Variants in CREB5 observed in about 807,000 individuals in gnomAD.
CREB5 encodes cyclic AMP-responsive element-binding protein 5.
CREB5 carries 19 observed loss-of-function variants against 57.1 expected under a neutral mutation model. The ratio of observed to expected loss-of-function variants is 0.33; its 90% CI spans 0.23 to 0.49. The LOEUF (loss-of-function observed/expected upper bound fraction) is 0.49, where lower values mean the gene tolerates loss of function less well. Ranked by LOEUF, CREB5 falls within the 20% of genes least tolerant of loss-of-function variation. The pLI, the probability that CREB5 is intolerant of heterozygous loss-of-function variation, is 0.99. For missense variants in CREB5, 579 were observed against 671.6 expected (o/e 0.86, Z 1.52); for synonymous variants, 238 against 238.3 (o/e 1.00, Z 0.01).
Position 28,718,844 on chromosome 7 carries a change from C to T in CREB5, c.556C>T (p.Pro186Ser), listed in dbSNP as rs1200013563. 1.2e-6 allele frequency: 2 copies of T among 1,614,116 alleles called. No homozygotes were observed. The change falls in exon 6 of 11, where the codon CCT becomes TCT. Residue 186 changes from proline (P) to serine (S), a missense_variant. Pro to Ser is a moderately conservative substitution (Grantham distance 74). Around this residue, in one of 3 missense-constraint regions of CREB5, gnomAD observed 459 missense variants for 515.7 expected, o/e 0.89. Coordinates refer to ENST00000357727, the MANE Select transcript of CREB5 (RefSeq NM_182898.4). ...CTCCATGCCTGGGACCCTGCCCAAC[C>T]CTACAATGCCAGGATCTTCCGCCGT... ...PASMPGTLPN[P>S]TMPGSSAVLM...
At chr7:28,344,641 G>A (rs193050484) in intron 1 of CREB5, among the ~76,000 whole-genome samples, 199 of 152,140 alleles carry the variant, frequency 1.3e-3, no homozygotes, top group South Asian at 5.6e-3. Flanking sequence ...TAACAAAATG[G>A]CAGTAGTAAG....
At chr7:28,368,636 C>A (rs79481252) in intron 1 of CREB5, among the ~76,000 whole-genome samples, 2 of 152,170 alleles carry the variant, frequency 1.3e-5, no homozygotes. Flanking sequence ...GGTCCCATTG[C>A]TACCTCATTT....
intron 4 of CREB5, among the ~76,000 whole-genome samples, chr7:28,560,653 C>CA (rs1238537488): frequency 6.6e-6 from 1 of 151,932 alleles, no homozygotes; most frequent in Non-Finnish European, 1.5e-5. Context: ...ACCATGAAGA[C>CA]AAAATCGACA....
intron 5 of CREB5, among the ~76,000 whole-genome samples, chr7:28,675,293 C>T (rs1364655249): frequency 2.0e-5 from 3 of 152,174 alleles, no homozygotes; most frequent in East Asian, 3.9e-4. Flanking sequence ...TCTGGCATCT[C>T]GTTTGTTTTG....
intron 7 of CREB5, among the ~76,000 whole-genome samples, chr7:28,794,286 G>A (rs1045338632): frequency 1.3e-5 from 2 of 152,166 alleles, no homozygotes; most frequent in African/African-American, 4.8e-5. Context: ...GGTGAGTAGT[G>A]TTTGTTAGCA....
At chr7:28,790,428 AAGAGAGAGAGAGAG>A (rs370615013) in intron 7 of CREB5, among the ~76,000 whole-genome samples, 10 of 115,696 alleles carry the variant, frequency 8.6e-5, no homozygotes, top group South Asian at 5.7e-4. Context: ...GAAAGAAAGA[AAGAGAGAGAGAGAG>A]AGAGAGAGAG....
intron 5 of CREB5, among the ~76,000 whole-genome samples, chr7:28,678,785 G>C (rs1004967947): frequency 1.3e-5 from 2 of 152,122 alleles, no homozygotes; most frequent in Non-Finnish European, 1.5e-5. Context: ...CTTCATGTTT[G>C]GGGTTTAAAA....
chr7:28,560,937 C>CGTGCGT lies in CREB5; in HGVS notation c.292-9424_292-9419dup, dbSNP rs1562797981. On this transcript the variant is annotated intron_variant, in intron 4 of 10. Transcript: ENST00000357727. ...GTGCGTGTGTGCGCGTGCGTGTGTG[C>CGTGCGT]GTGCGTGTGTGTGCGTGTGTGTGCG... Among the ~76,000 whole-genome samples the CGTGCGT allele has an allele frequency of 1.4e-4, 5 of 35,550 alleles. 1 individual carries two copies. Among genetic ancestry groups the CGTGCGT allele is most frequent in the Non-Finnish European group, 2.2e-4 (4 of 18,264 alleles). The allele number at this position is 35,550 out of a possible 152,430, so 23.3% of individuals were successfully genotyped here.
chr7:28,666,528 T>C (rs1799830505), intron 5 of CREB5, among the ~76,000 whole-genome samples: 1 of 149,630 alleles, frequency 6.7e-6, no homozygotes, highest in African/African-American at 2.5e-5. Flanking sequence ...GTCCAAACCC[T>C]GTTTACTTTT....
chr7:28,395,021 G>A (rs1787308536), intron 1 of CREB5, among the ~76,000 whole-genome samples: 1 of 152,120 alleles, frequency 6.6e-6, no homozygotes, highest in Admixed American at 6.5e-5. Flanking sequence ...ATTCCCTGAA[G>A]GGGGAAAAGG....
At chr7:28,593,962 T>G (rs1335793324) in intron 5 of CREB5, among the ~76,000 whole-genome samples, 1 of 152,222 alleles carries the variant, frequency 6.6e-6, no homozygotes, top group Non-Finnish European at 1.5e-5. Context: ...TAACCACTGG[T>G]GGGTGAAGAG....
rs1562796941 is a variant in CREB5 at position 28,560,815 on chromosome 7, T to TGC, written c.292-9549_292-9548insCG. Among the ~76,000 whole-genome samples the TGC allele has an allele frequency of 1.6e-4, 22 of 136,866 alleles. 3 individuals are homozygous for TGC. The highest frequency in any genetic ancestry group is 2.2e-4 in the Non-Finnish European group (14 of 62,784). The allele number at this position is 136,866 out of a possible 152,430, so 89.8% of individuals were successfully genotyped here. On this transcript the variant is annotated intron_variant, in intron 4 of 10. Coordinates refer to ENST00000357727, the MANE Select transcript of CREB5 (RefSeq NM_182898.4). Reference sequence around the variant, plus strand: ...CTTCCACAGTGTGTGTGCGCGTGTGTGTGTGTGCGCGCGCGCGCGTGTGTG... The same window carrying TGC: ...CTTCCACAGTGTGTGTGCGCGTGTGTGCGTGTGTGCGCGCGCGCGCGTGTGTG...
upstream of CREB5, chr7:28,410,397 C>A: frequency 2.2e-6 from 1 of 456,766 alleles, no homozygotes; most frequent in Non-Finnish European, 4.4e-6. Context: ...TCTCCCCCTG[C>A]GGCAGATTCT....
At chr7:28,305,636 T>C (rs2127979777) in intron 1 of CREB5, among the ~76,000 whole-genome samples, 1 of 152,306 alleles carries the variant, frequency 6.6e-6, no homozygotes, top group South Asian at 2.1e-4. Flanking sequence ...GAGCTCCCAG[T>C]AGCCACACAT....
chr7:28,630,910 A>G (rs1486462315), intron 5 of CREB5, among the ~76,000 whole-genome samples: 1 of 152,192 alleles, frequency 6.6e-6, no homozygotes, highest in East Asian at 1.9e-4. Context: ...ATGGTACAGA[A>G]CGCTATGAGG....
At chr7:28,351,560 T>G (rs1486732992) in intron 1 of CREB5, among the ~76,000 whole-genome samples, 1 of 152,194 alleles carries the variant, frequency 6.6e-6, no homozygotes, top group East Asian at 1.9e-4. Context: ...TGGCCTTTAA[T>G]CATTGATATC....
Position 28,343,699 on chromosome 7 carries a change from T to C in CREB5, c.-25+44258T>C, listed in dbSNP as rs118076943. 3.3e-4 allele frequency among the ~76,000 whole-genome samples: 50 copies of C among 152,356 alleles called. No individual in the cohort carries two copies. In the East Asian group the frequency reaches 6.0e-3, roughly 18 times the overall value. ...TGGGCATGCAGGTATTTCTTTGACA[T>C]ACTGGTTTCATTTCTTTTGGATGTA... On this transcript the variant is annotated intron_variant, in intron 1 of 9. Transcript: ENST00000396299.
intron 5 of CREB5, among the ~76,000 whole-genome samples, chr7:28,658,959 A>ATATATATATATATATATGTG (rs1168151433): frequency 1.5e-4 from 19 of 129,534 alleles, no homozygotes; most frequent in African/African-American, 5.5e-4. Context: ...GTGTGTATAT[A>ATATATATATATATATATGTG]TATATATATA....
intron 4 of CREB5, among the ~76,000 whole-genome samples, chr7:28,555,501 A>G (rs1794830297): frequency 1.3e-5 from 2 of 152,218 alleles, no homozygotes; most frequent in Non-Finnish European, 2.9e-5. Flanking sequence ...TTCTAAATCC[A>G]TCCATAGGGT....
Sources: allele counts gnomAD v4.1 joint callset (sites outside exome capture counted in the v4.1 genomes callset), GRCh38; gene constraint gnomAD v4.1.1; regional missense constraint gnomAD v4.1.1; transcripts MANE v1.5; gene names NCBI Gene and HGNC (gene_info 2026-07-23, HGNC 2026-07-21).